Variants in ASCC1 observed in about 807,000 individuals in gnomAD.
ASCC1 encodes activating signal cointegrator 1 complex subunit 1.
ASCC1 carries 35 observed loss-of-function variants against 46.6 expected under a neutral mutation model. The observed-to-expected ratio is 0.75, with a 90% CI of 0.57 to 0.99. The LOEUF is 0.99. Among genes scored for constraint, ASCC1 ranks in the 50% least tolerant of loss-of-function variants. The pLI, the probability that ASCC1 is intolerant of heterozygous loss-of-function variation, is 0.00. For synonymous variants in ASCC1, 143 were observed against 146.6 expected (o/e 0.98, Z 0.18); for missense variants, 376 against 428.7 (o/e 0.88, Z 1.09).
intron 7 of ASCC1, among the ~76,000 whole-genome samples, chr10:72,151,781 C>T (rs1848368535): frequency 6.6e-6 from 1 of 150,506 alleles, no homozygotes; most frequent in Admixed American, 6.6e-5. Context: ...CTCCGCTTCC[C>T]CGGTTCAAGT....
At chr10:72,216,680 T>A (rs1365423356), upstream of ASCC1, 2 of 368,308 alleles carry the variant, frequency 5.4e-6, no homozygotes, top group Non-Finnish European at 1.1e-5. Context: ...AAGGAATTTA[T>A]ATTCATAAAT....
At chr10:72,177,435 GA>G (rs200129250) in intron 5 of ASCC1, among the ~76,000 whole-genome samples, 2 of 151,852 alleles carry the variant, frequency 1.3e-5, no homozygotes, top group Non-Finnish European at 2.9e-5. Flanking sequence ...ATACTAACTG[GA>G]AAAAAAATCC....
intron 7 of ASCC1, among the ~76,000 whole-genome samples, chr10:72,142,480 C>A (rs777840576): frequency 1.1e-4 from 17 of 151,942 alleles, no homozygotes; most frequent in Non-Finnish European, 1.9e-4. Context: ...AATCCTCCTG[C>A]CACAGCCTCT....
intron 5 of ASCC1, among the ~76,000 whole-genome samples, chr10:72,175,974 A>G (rs1851810288): frequency 6.6e-6 from 1 of 152,232 alleles, no homozygotes; most frequent in Non-Finnish European, 1.5e-5. Flanking sequence ...GGATTACTAC[A>G]AGTCTTACTT....
chr10:72,145,417 T>C (rs189884651), intron 7 of ASCC1, among the ~76,000 whole-genome samples: 182 of 152,334 alleles, frequency 1.2e-3, no homozygotes, highest in Admixed American at 3.1e-3. Flanking sequence ...ATGGGGCTTT[T>C]GCTCTGCTCT....
upstream of ASCC1, chr10:72,217,089 T>G (rs757035710): frequency 7.5e-5 from 34 of 453,910 alleles, no homozygotes; most frequent in South Asian, 4.3e-4. Context: ...GGAAGCACAG[T>G]GGAAACACTG....
Position 72,152,996 on chromosome 10 carries a change from G to T in ASCC1, c.627-8C>A. The T allele has an allele frequency of 6.2e-7, 1 of 1,613,908 alleles. No homozygotes were observed. The highest frequency in any genetic ancestry group is 2.2e-5 in the East Asian group (1 of 44,860). ...TTACCCCCAGAAATATCACTGCAAA[G>T]GAAAAAGCATTAAGATATCTATAAC... On this transcript the variant is annotated splice_region_variant and splice_polypyrimidine_tract_variant and intron_variant, in intron 6 of 9. Coordinates refer to ENST00000672957, the MANE Select transcript of ASCC1 (RefSeq NM_001198800.3).
intron 8 of ASCC1, among the ~76,000 whole-genome samples, chr10:72,131,732 C>A (rs1845630022): frequency 6.6e-6 from 1 of 152,056 alleles, no homozygotes. Context: ...CAAATGATTG[C>A]CAGTTGGGAT....
At chr10:72,162,218 T>A (rs1446298932) in intron 5 of ASCC1, among the ~76,000 whole-genome samples, 1 of 152,200 alleles carries the variant, frequency 6.6e-6, no homozygotes, top group Non-Finnish European at 1.5e-5. Context: ...TTGCCCAGGC[T>A]GGAGGGCAAT....
intron 5 of ASCC1, among the ~76,000 whole-genome samples, chr10:72,184,260 CAGAA>C (rs1395980521): frequency 2.0e-5 from 3 of 148,694 alleles, no homozygotes; most frequent in African/African-American, 4.9e-5. Context: ...AAAGAAGAGA[CAGAA>C]AGAAACAAAA....
intron 9 of ASCC1, among the ~76,000 whole-genome samples, chr10:72,109,550 T>C (rs920896118): frequency 1.3e-5 from 2 of 152,194 alleles, no homozygotes; most frequent in Non-Finnish European, 2.9e-5. Flanking sequence ...GAGGGAAGGC[T>C]TGAAAACTTC....
chr10:72,206,851 T>C (rs1293757304), intron 3 of ASCC1, among the ~76,000 whole-genome samples: 1 of 152,020 alleles, frequency 6.6e-6, no homozygotes, highest in Non-Finnish European at 1.5e-5. Context: ...AGTGGAAATG[T>C]TATATAAACT....
chr10:72,122,662 C>T (rs1844346675), intron 9 of ASCC1, among the ~76,000 whole-genome samples: 1 of 151,494 alleles, frequency 6.6e-6, no homozygotes, highest in South Asian at 2.1e-4. Context: ...CCTGTAGTCT[C>T]AGCTACTTGG....
intron 8 of ASCC1, among the ~76,000 whole-genome samples, chr10:72,128,421 C>T (rs1013325732): frequency 6.6e-6 from 1 of 152,190 alleles, no homozygotes; most frequent in African/African-American, 2.4e-5. Context: ...CTATATATTC[C>T]TAACTATGCA....
chr10:72,117,831 A>G (rs1028700884), intron 9 of ASCC1, among the ~76,000 whole-genome samples: 4 of 152,252 alleles, frequency 2.6e-5, no homozygotes, highest in Non-Finnish European at 5.9e-5. Context: ...AAGAAGTGAC[A>G]TCTGCTAGTG....
intron 3 of ASCC1, among the ~76,000 whole-genome samples, chr10:72,208,785 T>G (rs551663183): frequency 0.011 from 1,650 of 148,058 alleles, 28 homozygotes; most frequent in African/African-American, 0.039. Flanking sequence ...GTGTGTGTGT[T>G]TGTGTGTGTG....
intron 5 of ASCC1, among the ~76,000 whole-genome samples, chr10:72,165,597 T>C (rs73274928): frequency 0.024 from 3,706 of 152,328 alleles, 179 homozygotes; most frequent in African/African-American, 0.085. Context: ...CTGCCTAATA[T>C]TTGCCTTTGC....
intron 4 of ASCC1, among the ~76,000 whole-genome samples, chr10:72,200,543 T>G (rs1004968939): frequency 6.6e-6 from 1 of 151,304 alleles, no homozygotes; most frequent in Admixed American, 6.6e-5. Context: ...AACTACTTGG[T>G]AGGCTGAGGC....
At chr10:72,108,233 T>C (rs1842574625) in intron 9 of ASCC1, among the ~76,000 whole-genome samples, 1 of 152,014 alleles carries the variant, frequency 6.6e-6, no homozygotes, top group African/African-American at 2.4e-5. Context: ...CATGCCACCA[T>C]GCCTGGCTAA....
Sources: gnomAD v4.1 joint callset for allele counts (sites outside exome capture counted in the v4.1 genomes callset) on GRCh38, gnomAD v4.1.1 for gene constraint, MANE v1.5 for transcripts, NCBI Gene and HGNC (gene_info 2026-07-23, HGNC 2026-07-21) for gene names.